The following KIAA1217 variants were observed in gnomAD, a reference collection of about 807,000 sequenced individuals.
KIAA1217 encodes the protein sickle tail protein homolog.
A neutral mutation model predicts 163.9 loss-of-function variants in KIAA1217; 88 were observed. The ratio of observed to expected loss-of-function variants is 0.54; its 90% confidence interval spans 0.45 to 0.64. The LOEUF (loss-of-function observed/expected upper bound fraction) is 0.64. KIAA1217 is among the 30% of genes least tolerant of loss of function. The pLI, the probability that KIAA1217 is intolerant of heterozygous loss-of-function variation, is 0.00. For missense variants in KIAA1217, 2,372 were observed against 2,475.0 expected (o/e 0.96, Z 0.88); for synonymous variants, 903 against 923.1 (o/e 0.98, Z 0.39).
Position 23,729,849 on chromosome 10 carries a change from T to C in KIAA1217, c.-321+34615T>C, listed in dbSNP as rs188467230. Among the ~76,000 whole-genome samples, 380 of 152,270 alleles carry C rather than the reference T, an allele frequency of 2.5e-3. 2 individuals carry two copies. The highest frequency in any genetic ancestry group is 8.9e-3 in the African/African-American group (368 of 41,566). On this transcript the variant is annotated intron_variant, in intron 1 of 18. Coordinates refer to the KIAA1217 transcript ENST00000376462. Reference sequence around the variant, plus strand: ...TTCCTTTGGCATTGTATCCAAAAAGTAATTGTCAAACCCAAAGCCCAAAGT... The same window carrying C: ...TTCCTTTGGCATTGTATCCAAAAAGCAATTGTCAAACCCAAAGCCCAAAGT...
At chr10:23,739,851 G>A (rs1839010466) in intron 1 of KIAA1217, among the ~76,000 whole-genome samples, 1 of 152,136 alleles carries the variant, frequency 6.6e-6, no homozygotes, top group African/African-American at 2.4e-5. Flanking sequence ...AGAAGTGCTG[G>A]GAGTTCAGCT....
At chr10:24,165,522 G>A (rs1185306267) in intron 2 of KIAA1217, among the ~76,000 whole-genome samples, 1 of 152,134 alleles carries the variant, frequency 6.6e-6, no homozygotes. Flanking sequence ...AGGTGGAGGT[G>A]GAGGACCCAG....
At chr10:23,801,547 G>C (rs1444422340) in intron 1 of KIAA1217, among the ~76,000 whole-genome samples, 1 of 152,102 alleles carries the variant, frequency 6.6e-6, no homozygotes, top group Non-Finnish European at 1.5e-5. Flanking sequence ...TCCATCCAAG[G>C]GTTTAATTGA....
intron 1 of KIAA1217, among the ~76,000 whole-genome samples, chr10:23,855,699 CTTTG>C (rs1839619581): frequency 6.6e-6 from 1 of 152,128 alleles, no homozygotes; most frequent in African/African-American, 2.4e-5. Context: ...TTCTTGGAGG[CTTTG>C]TTTGTTTCTT....
chr10:24,198,044 T>A (rs2067072641), intron 2 of KIAA1217, among the ~76,000 whole-genome samples: 1 of 152,252 alleles, frequency 6.6e-6, no homozygotes, highest in African/African-American at 2.4e-5. Context: ...TATCCAAACA[T>A]ATGCATCCAC....
intron 2 of KIAA1217, among the ~76,000 whole-genome samples, chr10:24,200,863 G>A (rs1004743986): frequency 2.6e-5 from 4 of 152,062 alleles, no homozygotes; most frequent in African/African-American, 9.7e-5. Context: ...ATATCATCAG[G>A]TCCTGTAGTC....
At chr10:23,966,779 G>C (rs1564572016) in intron 1 of KIAA1217, among the ~76,000 whole-genome samples, 1 of 152,166 alleles carries the variant, frequency 6.6e-6, no homozygotes, top group Non-Finnish European at 1.5e-5. Flanking sequence ...AAGTAATAAT[G>C]TAGTAAGGAA....
chr10:24,304,081 T>G (rs2041700568), intron 2 of KIAA1217, among the ~76,000 whole-genome samples: 1 of 151,860 alleles, frequency 6.6e-6, no homozygotes, highest in East Asian at 1.9e-4. Flanking sequence ...CTTACCCAAG[T>G]TGGTTGACTC....
chr10:24,056,469 C>CTGTA (rs1437551557), intron 2 of KIAA1217, among the ~76,000 whole-genome samples: 2 of 151,952 alleles, frequency 1.3e-5, no homozygotes, highest in African/African-American at 4.8e-5. Flanking sequence ...AAAGAAAGGA[C>CTGTA]TGTACTAAGA....
intron 6 of KIAA1217, among the ~76,000 whole-genome samples, chr10:24,475,460 A>T (rs2063912935): frequency 6.6e-6 from 1 of 152,194 alleles, no homozygotes. Flanking sequence ...TTACTTGTTC[A>T]GTTACAGGGA....
intron 2 of KIAA1217, among the ~76,000 whole-genome samples, chr10:24,287,472 T>C (rs1388889667): frequency 6.6e-6 from 1 of 152,208 alleles, no homozygotes; most frequent in Non-Finnish European, 1.5e-5. Flanking sequence ...CAGGAAATAA[T>C]CACCAACTAC....
At chr10:24,038,747 CTTTTTTTTTT>C (rs3072773) in intron 2 of KIAA1217, among the ~76,000 whole-genome samples, 2 of 76,308 alleles carry the variant, frequency 2.6e-5, no homozygotes, top group African/African-American at 5.3e-5. Context: ...CTGAGAATTG[CTTTTTTTTTT>C]TTTTTTTTTT....
At position 23,853,328 on chromosome 10, in the gene KIAA1217, A is replaced by G. The variant is rs544573015; in HGVS notation, c.-320-153897A>G. Among the ~76,000 whole-genome samples, 941 of 152,190 alleles carry G rather than the reference A, an allele frequency of 6.2e-3. 3 individuals carry two copies. The highest frequency in any genetic ancestry group is 1.0e-2 in the South Asian group (48 of 4,824). On this transcript the variant is annotated intron_variant, in intron 1 of 18. Coordinates refer to the KIAA1217 transcript ENST00000376462. ...TGCTGGATTACATTTATTGATTTGC[A>G]TGTATTAAACCAGCCTTGCATCCCA...
rs549736068 is a variant in KIAA1217 at position 23,860,042 on chromosome 10, T to A, written c.-320-147183T>A. ...GTCACTTGTCTATGTATAGGAGGGC[T>A]GAGAGCGAGCAGGAATATTGATGTG... On this transcript the variant is annotated intron_variant, in intron 1 of 18. Coordinates refer to the KIAA1217 transcript ENST00000376462. Among the ~76,000 whole-genome samples, 5 of 152,224 alleles carry A rather than the reference T, an allele frequency of 3.3e-5. No homozygotes were observed. The South Asian group carries it at 1.0e-3, about 32-fold the overall frequency.
intron 3 of KIAA1217, among the ~76,000 whole-genome samples, chr10:24,393,050 C>T (rs2055201029): frequency 6.6e-6 from 1 of 152,038 alleles, no homozygotes; most frequent in African/African-American, 2.4e-5. Flanking sequence ...ATTTTTAGCA[C>T]CGGCTTTTAA....
intron 1 of KIAA1217, among the ~76,000 whole-genome samples, chr10:23,964,571 A>ATT (rs199752247): frequency 6.9e-6 from 1 of 145,632 alleles, no homozygotes; most frequent in African/African-American, 2.5e-5. Context: ...TAACAGTTGA[A>ATT]TTTTTTTTTT....
chr10:24,435,906 G>A (rs1454999419), intron 4 of KIAA1217, among the ~76,000 whole-genome samples: 1 of 151,858 alleles, frequency 6.6e-6, no homozygotes, highest in African/African-American at 2.4e-5. Flanking sequence ...GGTCGCCCAG[G>A]TTGGAGTGCA....
intron 2 of KIAA1217, among the ~76,000 whole-genome samples, chr10:24,110,169 C>T (rs2062791353): frequency 6.6e-6 from 1 of 152,152 alleles, no homozygotes; most frequent in Non-Finnish European, 1.5e-5. Context: ...AATTCACTTT[C>T]CATGTTGGTA....
At chr10:24,256,716 C>T (rs2131620381) in intron 2 of KIAA1217, among the ~76,000 whole-genome samples, 1 of 152,244 alleles carries the variant, frequency 6.6e-6, no homozygotes, top group African/African-American at 2.4e-5. Flanking sequence ...GTCTGCTTTG[C>T]CTTATTTTGG....
Sources: allele counts gnomAD v4.1 joint callset (sites outside exome capture counted in the v4.1 genomes callset), GRCh38; gene constraint gnomAD v4.1.1; transcripts MANE v1.5; gene names NCBI Gene and HGNC (gene_info 2026-07-23, HGNC 2026-07-21).